FGF13: variants seen among roughly 807,000 people sequenced by gnomAD.
FGF13 encodes the protein fibroblast growth factor 13, also known as fibroblast growth factor homologous factor 2.
A neutral mutation model predicts 19.5 loss-of-function variants in FGF13; 2 were observed. That is an observed-to-expected ratio of 0.10 (90% CI 0.04 to 0.32). The LOEUF (loss-of-function observed/expected upper bound fraction) is 0.32, where lower values mean the gene tolerates loss of function less well. Ranked by LOEUF, FGF13 falls within the 10% of genes least tolerant of loss-of-function variation. The probability of loss-of-function intolerance (pLI) is 1.00; values close to 1 mark genes in which losing one functional copy is unlikely to be tolerated. For synonymous variants in FGF13, 72 were observed against 76.9 expected (o/e 0.94, Z 0.33); for missense variants, 113 against 192.7 (o/e 0.59, Z 2.45).
At chrX:138,869,972 T>C (rs1312568838) in intron 1 of FGF13, among the ~76,000 whole-genome samples, 2 of 112,213 alleles carry the variant, frequency 1.8e-5, no homozygotes, top group African/African-American at 6.5e-5. Flanking sequence ...GGTATTTTAG[T>C]TTGCTTACTC....
At chrX:138,753,557 A>G (rs2090411891) in intron 3 of FGF13, among the ~76,000 whole-genome samples, 1 of 112,073 alleles carries the variant, frequency 8.9e-6, no homozygotes, top group African/African-American at 3.2e-5. Context: ...TATAAGATTC[A>G]TGAGATGAGT....
At chrX:138,820,278 C>T (rs1044044785) in intron 3 of FGF13, among the ~76,000 whole-genome samples, 6 of 111,952 alleles carry the variant, frequency 5.4e-5, no homozygotes, top group Admixed American at 2.8e-4. Context: ...TTTCATAAAA[C>T]TCATCAATTC....
intron 1 of FGF13, among the ~76,000 whole-genome samples, chrX:138,723,942 T>G (rs181761243): frequency 9.0e-6 from 1 of 111,512 alleles, no homozygotes; most frequent in Admixed American, 9.5e-5. Context: ...TTATGTTTGT[T>G]TTGTTTTTAT....
At chrX:138,861,507 C>T (rs1453364650) in intron 2 of FGF13, among the ~76,000 whole-genome samples, 4 of 112,206 alleles carry the variant, frequency 3.6e-5, no homozygotes, top group Admixed American at 9.5e-5. Context: ...ATATTTAGTA[C>T]GTGACAAACA....
upstream of FGF13, chrX:138,714,649 A>G (rs774903265): frequency 4.5e-5 from 5 of 110,840 alleles, no homozygotes; most frequent in African/African-American, 1.3e-4. Flanking sequence ...CCACACACGC[A>G]CACACGCGCG....
At chrX:139,182,321 T>C (rs138461402) in intron 1 of FGF13, among the ~76,000 whole-genome samples, 25 of 112,156 alleles carry the variant, frequency 2.2e-4, no homozygotes, top group African/African-American at 7.8e-4. Context: ...GGATTAAATA[T>C]GAAACAGTAA....
At chrX:139,068,884 A>C (rs975467518) in intron 1 of FGF13, among the ~76,000 whole-genome samples, 1 of 111,362 alleles carries the variant, frequency 9.0e-6, no homozygotes, top group Admixed American at 9.6e-5. Context: ...ACTGGCCATC[A>C]GAGAAATGCA....
downstream of FGF13, among the ~76,000 whole-genome samples, chrX:138,854,367 A>T (rs1375330271): frequency 8.9e-6 from 1 of 111,876 alleles, no homozygotes; most frequent in East Asian, 2.8e-4. Context: ...TATCCTGAAA[A>T]GCCAGTGAGA....
Position 138,711,621 on chromosome X carries a change from A to T in FGF13, c.-618T>A. The T allele has an allele frequency of 1.3e-6, 1 of 754,700 alleles. No homozygotes were observed. The highest frequency in any genetic ancestry group is 1.6e-6 in the Non-Finnish European group (1 of 639,043). The allele number at this position is 754,700 out of a possible 1,213,427, so 62.2% of individuals were successfully genotyped here. On this transcript the variant is annotated 5_prime_UTR_variant, in exon 1 of 5. Coordinates refer to ENST00000315930, the MANE Select transcript of FGF13 (RefSeq NM_004114.5). Reference sequence around the variant, plus strand: ...GGTTTCCGACAGGGATCAAACAGGTAATGGCCTCGCATCTTCGCTGTTGCT... The same window carrying T: ...GGTTTCCGACAGGGATCAAACAGGTTATGGCCTCGCATCTTCGCTGTTGCT...
intron 3 of FGF13, among the ~76,000 whole-genome samples, chrX:138,750,343 C>A: frequency 8.9e-6 from 1 of 112,082 alleles, no homozygotes; most frequent in South Asian, 3.7e-4. Flanking sequence ...CAATGCTAAA[C>A]TGTCAGAGTT....
chrX:139,082,259 G>A (rs1440519521), intron 1 of FGF13, among the ~76,000 whole-genome samples: 1 of 110,980 alleles, frequency 9.0e-6, no homozygotes, highest in African/African-American at 3.3e-5. Context: ...ACTTCTCTCA[G>A]TTCTCTCCTC....
intron 1 of FGF13, among the ~76,000 whole-genome samples, chrX:138,986,216 A>G (rs2091994148): frequency 9.0e-6 from 1 of 111,568 alleles, no homozygotes; most frequent in South Asian, 3.7e-4. Context: ...TACCAATGGT[A>G]GGATTGTTTG....
intron 1 of FGF13, among the ~76,000 whole-genome samples, chrX:139,133,690 A>T (rs1383243467): frequency 9.0e-6 from 1 of 111,126 alleles, no homozygotes; most frequent in Non-Finnish European, 1.9e-5. Flanking sequence ...CTTGGCCACA[A>T]GCCCCACCTT....
intron 1 of FGF13, among the ~76,000 whole-genome samples, chrX:139,043,511 C>A (rs999632063): frequency 1.3e-4 from 15 of 111,119 alleles, no homozygotes; most frequent in Non-Finnish European, 2.1e-4. Flanking sequence ...CCGCACCTGG[C>A]TGCTTATCAA....
At chrX:139,021,041 C>T (rs1429695204) in intron 1 of FGF13, among the ~76,000 whole-genome samples, 6 of 111,065 alleles carry the variant, frequency 5.4e-5, no homozygotes, top group African/African-American at 2.0e-4. Flanking sequence ...ATATATTTCA[C>T]TTCCTTTTTA....
At chrX:139,101,337 A>G (rs1180569266) in intron 1 of FGF13, among the ~76,000 whole-genome samples, 1 of 112,500 alleles carries the variant, frequency 8.9e-6, no homozygotes, top group Non-Finnish European at 1.9e-5. Flanking sequence ...CCTTGAAGCC[A>G]ACAGCTACTG....
chrX:139,203,976 G>C, upstream of FGF13: 1 of 1,045,453 alleles, frequency 9.6e-7, no homozygotes, highest in Non-Finnish European at 1.3e-6. Flanking sequence ...AGGAGGCAAG[G>C]AGCCGCCGGA....
intron 1 of FGF13, among the ~76,000 whole-genome samples, chrX:139,131,493 C>T (rs111549542): frequency 6.0e-4 from 61 of 102,101 alleles, no homozygotes; most frequent in African/African-American, 2.6e-3. Flanking sequence ...TCACACACTT[C>T]GGGAGGCCGA....
intron 3 of FGF13, among the ~76,000 whole-genome samples, chrX:138,646,976 C>A (rs1343456491): frequency 9.0e-6 from 1 of 110,991 alleles, no homozygotes; most frequent in Non-Finnish European, 1.9e-5. Flanking sequence ...ATATCCACCA[C>A]CCTCACCCGT....
Sources: allele counts gnomAD v4.1 joint callset (sites outside exome capture counted in the v4.1 genomes callset), GRCh38; gene constraint gnomAD v4.1.1; transcripts MANE v1.5; gene names NCBI Gene and HGNC (gene_info 2026-07-23, HGNC 2026-07-21).